The following AMPH variants were observed in gnomAD, a reference collection of about 807,000 sequenced individuals.
AMPH encodes amphiphysin (Stiff-Mann syndrome with breast cancer 128kD autoantigen).
AMPH carries 49 observed loss-of-function variants against 99.1 expected under a neutral mutation model. That is an observed-to-expected ratio of 0.49 (90% CI 0.39 to 0.63). The LOEUF is 0.63. Among genes scored for constraint, AMPH ranks in the 20% least tolerant of loss-of-function variants. The pLI is 0.00. For synonymous variants in AMPH, 314 were observed against 317.3 expected (o/e 0.99, Z 0.11); for missense variants, 759 against 863.4 (o/e 0.88, Z 1.52).
At chr7:38,624,634 C>T (rs926276089) in intron 1 of AMPH, among the ~76,000 whole-genome samples, 2 of 148,942 alleles carry the variant, frequency 1.3e-5, no homozygotes, top group African/African-American at 4.9e-5. Flanking sequence ...CAAATAAATG[C>T]CACTGGATTT....
chr7:38,430,543 G>A (rs1385344666), intron 13 of AMPH, among the ~76,000 whole-genome samples: 2 of 152,116 alleles, frequency 1.3e-5, no homozygotes, highest in Non-Finnish European at 2.9e-5. Context: ...CTTTTTAGAC[G>A]ATACCTTCAC....
chr7:38,464,527 T>C (rs192804118), intron 9 of AMPH, among the ~76,000 whole-genome samples: 4 of 152,330 alleles, frequency 2.6e-5, no homozygotes, highest in East Asian at 1.9e-4. Context: ...TTAACATATG[T>C]AGAAGTTGGT....
chr7:38,497,727 AAG>A (rs1788983888), intron 3 of AMPH, among the ~76,000 whole-genome samples: 1 of 152,196 alleles, frequency 6.6e-6, no homozygotes, highest in Non-Finnish European at 1.5e-5. Context: ...GCTGTGTAAA[AAG>A]ACAGCAGCTG....
chr7:38,463,048 C>T lies in AMPH; in HGVS notation c.815G>A (p.Ser272Asn), dbSNP rs1447929216. Residue 272 changes from serine to asparagine, a missense_variant, in exon 10 of 21, where the codon AGC becomes AAC. Physicochemically the swap from Ser to Asn is conservative, Grantham distance 46. Around this residue, in one of 2 missense-constraint regions of AMPH, gnomAD observed 554 missense variants for 575.6 expected, o/e 0.96. Transcript: ENST00000356264. ...SPPEEPSPLP[S>N]PTASPNHTLA... is the part of the protein sequence containing the mutation. ...TGTATGATTTGGACTTGCTGTCGGG[C>T]TCGGGAGGGGTGAAGGCTCCTCAGG... is the stretch of plus-strand genomic sequence containing the variant. 1 of 1,611,562 alleles carries T rather than the reference C, an allele frequency of 6.2e-7. No individual in the cohort carries two copies. The highest frequency in any genetic ancestry group is 8.5e-7 in the Non-Finnish European group (1 of 1,178,858).
intron 1 of AMPH, among the ~76,000 whole-genome samples, chr7:38,574,529 C>G (rs1268980279): frequency 6.6e-6 from 1 of 152,228 alleles, no homozygotes; most frequent in Non-Finnish European, 1.5e-5. Context: ...GCAATTGCAG[C>G]TGCTGTTCAC....
chr7:38,555,087 T>C (rs976693685), intron 1 of AMPH, among the ~76,000 whole-genome samples: 4 of 152,124 alleles, frequency 2.6e-5, no homozygotes, highest in African/African-American at 9.7e-5. Flanking sequence ...AACTTGGCCA[T>C]GGCATTTGAG....
chr7:38,503,506 GT>G (rs1440247229), intron 3 of AMPH, 143 bp downstream of exon 3: 85 of 575,186 alleles, frequency 1.5e-4, no homozygotes, highest in South Asian at 3.3e-4. Flanking sequence ...GGGGGGGTGG[GT>G]GGTGGAATGG....
chr7:38,477,017 G>A, intron 5 of AMPH, 48 bp from the exon 6 acceptor site: 1 of 1,561,424 alleles, frequency 6.4e-7, no homozygotes, highest in African/African-American at 1.4e-5. Context: ...GGACATAAGA[G>A]TCTCCCTTTG....
At chr7:38,432,745 T>C (rs1291767539) in intron 12 of AMPH, among the ~76,000 whole-genome samples, 1 of 152,188 alleles carries the variant, frequency 6.6e-6, no homozygotes, top group East Asian at 1.9e-4. Flanking sequence ...GGATGTAGGA[T>C]GACCAGCTTA....
In AMPH at chr7:38,439,271, T is replaced by C. The variant is rs1020730955; in HGVS notation, c.1018-2883A>G. Among the ~76,000 whole-genome samples, 3 of 152,168 alleles carry C rather than the reference T, an allele frequency of 2.0e-5. No homozygotes were observed. The South Asian group carries it at 6.2e-4, about 32-fold the overall frequency. On this transcript the variant is annotated intron_variant, in intron 11 of 20. Coordinates refer to ENST00000356264, the MANE Select transcript of AMPH (RefSeq NM_001635.4). ...GCAATTCTTTATAGCAGTGTGAAAA[T>C]GGACTAATACAACATGTGAATATGT...
chr7:38,551,326 C>G (rs563445378), intron 1 of AMPH, among the ~76,000 whole-genome samples: 1 of 152,286 alleles, frequency 6.6e-6, no homozygotes, highest in Admixed American at 6.5e-5. Context: ...AACCAAATCC[C>G]TCCTCAGCAA....
At chr7:38,484,813 T>TAATGCA (rs1788427215) in intron 5 of AMPH, among the ~76,000 whole-genome samples, 1 of 151,876 alleles carries the variant, frequency 6.6e-6, no homozygotes, top group Non-Finnish European at 1.5e-5. Flanking sequence ...AAACACAATA[T>TAATGCA]AAATATATGC....
At chr7:38,414,863 C>T (rs930401658) in intron 17 of AMPH, among the ~76,000 whole-genome samples, 1 of 152,072 alleles carries the variant, frequency 6.6e-6, no homozygotes, top group Non-Finnish European at 1.5e-5. Flanking sequence ...GGGGTTTCAT[C>T]ATGTTGGCCA....
intron 5 of AMPH, among the ~76,000 whole-genome samples, chr7:38,484,592 A>G (rs1293936355): frequency 1.3e-5 from 2 of 152,090 alleles, no homozygotes; most frequent in Non-Finnish European, 2.9e-5. Context: ...AAAAAATGCT[A>G]AACAGATTTC....
intron 1 of AMPH, among the ~76,000 whole-genome samples, chr7:38,581,375 G>A (rs886801498): frequency 1.2e-4 from 18 of 152,042 alleles, no homozygotes; most frequent in Admixed American, 9.8e-4. Context: ...AAATGGGGAC[G>A]GGCACTCTAG....
intron 17 of AMPH, among the ~76,000 whole-genome samples, chr7:38,399,368 AATCTGGTCCAG>A (rs1220586466): frequency 6.6e-6 from 1 of 152,208 alleles, no homozygotes; most frequent in African/African-American, 2.4e-5. Context: ...TTATGTCTGG[AATCTGGTCCAG>A]ATGTTTTGCT....
intron 1 of AMPH, among the ~76,000 whole-genome samples, chr7:38,554,543 ATACTT>A (rs1299108151): frequency 2.0e-5 from 3 of 152,362 alleles, no homozygotes; most frequent in African/African-American, 7.2e-5. Context: ...TTCATTATAA[ATACTT>A]TACTTATAAT....
chr7:38,405,454 AC>A (rs1784956950), intron 17 of AMPH, among the ~76,000 whole-genome samples: 1 of 152,090 alleles, frequency 6.6e-6, no homozygotes, highest in Non-Finnish European at 1.5e-5. Flanking sequence ...CATACAAGAC[AC>A]CCATCTAACA....
intron 1 of AMPH, among the ~76,000 whole-genome samples, chr7:38,628,455 C>T (rs1254854628): frequency 6.6e-6 from 1 of 152,118 alleles, no homozygotes; most frequent in Non-Finnish European, 1.5e-5. Context: ...TACAAATTTG[C>T]TCACTGACTT....
Sources: gnomAD v4.1 joint callset for allele counts (sites outside exome capture counted in the v4.1 genomes callset) on GRCh38, gnomAD v4.1.1 for gene constraint, gnomAD v4.1.1 regional missense constraint, MANE v1.5 for transcripts, NCBI Gene and HGNC (gene_info 2026-07-23, HGNC 2026-07-21) for gene names.